Variants in CLASP1 observed in about 807,000 individuals in gnomAD.
The protein encoded by CLASP1 is cytoplasmic linker associated protein 1.
In CLASP1, 38 loss-of-function variants were observed where a neutral mutation model predicts 192.3. The observed-to-expected ratio is 0.20, with a 90% CI of 0.15 to 0.26. The LOEUF is 0.26. Among genes scored for constraint, CLASP1 ranks in the 10% least tolerant of loss-of-function variants. CLASP1 has a pLI of 1.00. For synonymous variants in CLASP1, 691 were observed against 712.8 expected (o/e 0.97, Z 0.49); for missense variants, 1,433 against 1,932.5 (o/e 0.74, Z 4.85).
intron 24 of CLASP1, chr2:121,407,968 AAGAC>A (rs1210464338): frequency 3.5e-6 from 2 of 572,988 alleles, no homozygotes; most frequent in Non-Finnish European, 6.5e-6. Context: ...ACTTTACAGG[AAGAC>A]AGACAGATCA....
chr2:121,642,367 T>C (rs1432117991), intron 1 of CLASP1, among the ~76,000 whole-genome samples: 1 of 136,764 alleles, frequency 7.3e-6, no homozygotes. Context: ...ACCACCACAC[T>C]CCACCCTGGG....
intron 2 of CLASP1, among the ~76,000 whole-genome samples, chr2:121,577,295 T>C (rs894250945): frequency 6.6e-6 from 1 of 151,402 alleles, no homozygotes; most frequent in African/African-American, 2.4e-5. Flanking sequence ...ATCATCACAA[T>C]GCACACTTCA....
rs546898364 is a variant in CLASP1 at position 121,521,945 on chromosome 2, G to C, written c.546+3900C>G. Among the ~76,000 whole-genome samples the C allele has an allele frequency of 6.0e-4, 91 of 152,280 alleles. 2 individuals carry two copies. Among genetic ancestry groups the C allele is most frequent in the South Asian group, 4.8e-3 (23 of 4,828 alleles). On this transcript the variant is annotated intron_variant, in intron 6 of 39. Coordinates refer to ENST00000263710, the Ensembl canonical transcript of CLASP1. Reference sequence around the variant, plus strand: ...GGAACAAGTTATAATCTTAACTCTAGAGGTTCAGAGACTAGTAGGAAAGAT... The same window carrying C: ...GGAACAAGTTATAATCTTAACTCTACAGGTTCAGAGACTAGTAGGAAAGAT...
At chr2:121,385,758 G>A (rs552387227) in intron 32 of CLASP1, among the ~76,000 whole-genome samples, 3 of 152,296 alleles carry the variant, frequency 2.0e-5, no homozygotes, top group Non-Finnish European at 2.9e-5. Context: ...AGACAGAGGC[G>A]ACAATTTACA....
chr2:121,528,427 G>A (rs2094638698), intron 4 of CLASP1, among the ~76,000 whole-genome samples: 1 of 152,178 alleles, frequency 6.6e-6, no homozygotes, highest in East Asian at 1.9e-4. Flanking sequence ...AGAGTCTAAT[G>A]GATTAAAACT....
At chr2:121,514,707 C>T (rs1380933331) in intron 7 of CLASP1, among the ~76,000 whole-genome samples, 1 of 152,202 alleles carries the variant, frequency 6.6e-6, no homozygotes, top group Non-Finnish European at 1.5e-5. Context: ...GGGCCCACTG[C>T]CGTCATGTTT....
chr2:121,624,036 AATTT>A (rs1475184279), intron 1 of CLASP1, among the ~76,000 whole-genome samples: 5 of 152,008 alleles, frequency 3.3e-5, no homozygotes, highest in African/African-American at 1.2e-4. Flanking sequence ...TCATTTTATT[AATTT>A]ATTAATCTAG....
At chr2:121,613,358 A>G (rs981511576) in intron 1 of CLASP1, among the ~76,000 whole-genome samples, 22 of 152,234 alleles carry the variant, frequency 1.4e-4, no homozygotes, top group African/African-American at 4.8e-4. Flanking sequence ...GCTCCTTTAT[A>G]GTACCCTGGA....
chr2:121,564,498 G>A (rs1278268095), intron 2 of CLASP1, among the ~76,000 whole-genome samples: 4 of 152,160 alleles, frequency 2.6e-5, no homozygotes, highest in Non-Finnish European at 5.9e-5. Flanking sequence ...CCCTGTTTTA[G>A]TGACAGATTT....
In CLASP1 at chr2:121,634,515, T is replaced by C. The variant is rs540308325; in HGVS notation, c.-286+14857A>G. 3.9e-5 allele frequency among the ~76,000 whole-genome samples: 6 copies of C among 152,318 alleles called. No homozygotes were observed. In the South Asian group the frequency reaches 1.2e-3, roughly 32 times the overall value. On this transcript the variant is annotated intron_variant, in intron 1 of 39. Transcript: ENST00000263710. ...CAATGAGATGTTTCTAATCTCCCAG[T>C]GCTTAGTCATTCTTTCATGACTCCA...
At chr2:121,645,504 A>C (rs1414116366) in intron 1 of CLASP1, among the ~76,000 whole-genome samples, 1 of 152,206 alleles carries the variant, frequency 6.6e-6, no homozygotes, top group Non-Finnish European at 1.5e-5. Context: ...ATTAGGATAC[A>C]TTTGTTTATT....
At chr2:121,488,933 A>G (rs1025978862) in intron 8 of CLASP1, among the ~76,000 whole-genome samples, 1 of 152,236 alleles carries the variant, frequency 6.6e-6, no homozygotes, top group Non-Finnish European at 1.5e-5. Flanking sequence ...AAATATATCA[A>G]GTGAAAGAAT....
intron 1 of CLASP1, among the ~76,000 whole-genome samples, chr2:121,623,270 T>A (rs1270388850): frequency 1.3e-5 from 2 of 152,158 alleles, no homozygotes; most frequent in Non-Finnish European, 2.9e-5. Context: ...TAATCAAATG[T>A]TTTTCCTGCC....
chr2:121,450,860 A>T, intron 16 of CLASP1, 53 bp downstream of exon 16: 1 of 1,251,138 alleles, frequency 8.0e-7, no homozygotes, highest in Non-Finnish European at 1.2e-6. Context: ...CCTATAATTC[A>T]TGTGAAATAT....
At chr2:121,638,960 T>C (rs897827985) in intron 1 of CLASP1, among the ~76,000 whole-genome samples, 1 of 151,980 alleles carries the variant, frequency 6.6e-6, no homozygotes, top group Non-Finnish European at 1.5e-5. Flanking sequence ...TGAGCCACTG[T>C]GCCCAGCCAA....
intron 8 of CLASP1, among the ~76,000 whole-genome samples, chr2:121,491,695 T>G (rs2093315117): frequency 6.6e-6 from 1 of 152,204 alleles, no homozygotes; most frequent in Non-Finnish European, 1.5e-5. Context: ...ACTCTCATAT[T>G]CTCACCATTC....
At chr2:121,474,539 A>G (rs565934573) in intron 8 of CLASP1, among the ~76,000 whole-genome samples, 2 of 152,298 alleles carry the variant, frequency 1.3e-5, no homozygotes, top group East Asian at 3.9e-4. Context: ...GATAGAGACC[A>G]TCCTGGCTAA....
intron 2 of CLASP1, among the ~76,000 whole-genome samples, chr2:121,581,276 T>TTTTTTTTTA (rs2061120478): frequency 7.5e-6 from 1 of 133,004 alleles, no homozygotes; most frequent in Non-Finnish European, 1.6e-5. Context: ...TTTTTTTTTT[T>TTTTTTTTTA]TTTTTTTTTG....
chr2:121,496,561 T>C (rs1024731983), intron 8 of CLASP1, among the ~76,000 whole-genome samples: 5 of 145,558 alleles, frequency 3.4e-5, no homozygotes, highest in African/African-American at 2.7e-5. Context: ...CAAGATTTAC[T>C]GAGAGACATA....
Sources: gnomAD v4.1 joint callset for allele counts (sites outside exome capture counted in the v4.1 genomes callset) on GRCh38, gnomAD v4.1.1 for gene constraint, MANE v1.5 for transcripts, NCBI Gene and HGNC (gene_info 2026-07-23, HGNC 2026-07-21) for gene names.